MPDZ: variants seen among roughly 807,000 people sequenced by gnomAD.
MPDZ encodes multiple PDZ domain protein.
A neutral mutation model predicts 239.1 loss-of-function variants in MPDZ; 234 were observed. The observed-to-expected ratio is 0.98, with a 90% CI of 0.88 to 1.09. MPDZ has a LOEUF of 1.09. Ranked by LOEUF, MPDZ falls within the 50% of genes least tolerant of loss-of-function variation. The probability of loss-of-function intolerance (pLI) is 0.00; values close to 1 mark genes in which losing one functional copy is unlikely to be tolerated. For synonymous variants in MPDZ, 1,048 were observed against 881.3 expected (o/e 1.19, Z -3.35); for missense variants, 3,175 against 2,510.0 (o/e 1.26, Z -5.66).
At chr9:13,137,750 C>A (rs1218934881) in intron 29 of MPDZ, among the ~76,000 whole-genome samples, 1 of 152,160 alleles carries the variant, frequency 6.6e-6, no homozygotes, top group Non-Finnish European at 1.5e-5. Flanking sequence ...GCTACACAGT[C>A]ATGACCTTTT....
chr9:13,253,660 G>T (rs1968684041), intron 1 of MPDZ, among the ~76,000 whole-genome samples: 1 of 152,176 alleles, frequency 6.6e-6, no homozygotes, highest in South Asian at 2.1e-4. Context: ...ACTTAAAGAA[G>T]ATCCAACATG....
chr9:13,194,083 C>G (rs1366312625), intron 13 of MPDZ, among the ~76,000 whole-genome samples: 1 of 152,126 alleles, frequency 6.6e-6, no homozygotes, highest in African/African-American at 2.4e-5. Flanking sequence ...CTGAGAATGT[C>G]CCATCCAATA....
At chr9:13,130,408 T>C (rs1219490350) in intron 32 of MPDZ, among the ~76,000 whole-genome samples, 3 of 152,176 alleles carry the variant, frequency 2.0e-5, no homozygotes, top group Non-Finnish European at 2.9e-5. Flanking sequence ...TTTCCCCTTA[T>C]GCATGTACGG....
chr9:13,107,689 C>A (rs916398447), intron 46 of MPDZ, among the ~76,000 whole-genome samples: 1 of 152,076 alleles, frequency 6.6e-6, no homozygotes, highest in Non-Finnish European at 1.5e-5. Context: ...GTTCTTACTT[C>A]CCAAGGGTAG....
intron 10 of MPDZ, among the ~76,000 whole-genome samples, chr9:13,214,648 G>C (rs973781115): frequency 2.0e-5 from 3 of 152,004 alleles, no homozygotes; most frequent in Non-Finnish European, 2.9e-5. Flanking sequence ...GGAGAAAAAA[G>C]TAAATTAGCT....
intron 16 of MPDZ, 133 bp downstream of exon 16, chr9:13,189,981 C>T (rs1954669762): frequency 1.4e-6 from 1 of 721,070 alleles, no homozygotes; most frequent in South Asian, 2.4e-5. Flanking sequence ...TCAGTGAATC[C>T]TATAAATCAC....
intron 12 of MPDZ, among the ~76,000 whole-genome samples, chr9:13,197,245 A>G (rs1033456891): frequency 1.3e-5 from 2 of 151,918 alleles, no homozygotes; most frequent in Admixed American, 1.3e-4. Context: ...TCCAGAGGTT[A>G]ACAGATATAA....
chr9:13,176,427 A>G lies in MPDZ; in HGVS notation c.2650-10T>C. ...AATTTTCAATAACATCCTGGTAGTT[A>G]AAAAACAACAACAACAAAACATGAA... On this transcript the variant is annotated splice_polypyrimidine_tract_variant and intron_variant, in intron 19 of 46. Coordinates refer to ENST00000319217, the MANE Select transcript of MPDZ (RefSeq NM_001378778.1). The G allele has an allele frequency of 6.6e-7, 1 of 1,526,324 alleles. No individual in the cohort carries two copies. Among genetic ancestry groups the G allele is most frequent in the Non-Finnish European group, 8.8e-7 (1 of 1,135,582 alleles). 94.5% of individuals were successfully genotyped at this position (1,526,324 alleles called of 1,614,324 possible). A position where few individuals can be genotyped will look rare whatever the true frequency, so the allele number is the denominator to read the frequency against.
chr9:13,261,054 T>A (rs1054115475), intron 1 of MPDZ, among the ~76,000 whole-genome samples: 1 of 152,178 alleles, frequency 6.6e-6, no homozygotes, highest in Non-Finnish European at 1.5e-5. Flanking sequence ...AAAACATGAA[T>A]GGACTACAGT....
chr9:13,254,121 A>G (rs1968816231), intron 1 of MPDZ, among the ~76,000 whole-genome samples: 1 of 152,200 alleles, frequency 6.6e-6, no homozygotes, highest in African/African-American at 2.4e-5. Flanking sequence ...ACATAAAGTG[A>G]AACCAAAGGA....
intron 1 of MPDZ, among the ~76,000 whole-genome samples, chr9:13,269,902 A>G (rs140600789): frequency 1.6e-3 from 239 of 152,338 alleles, no homozygotes; most frequent in Non-Finnish European, 1.4e-3. Flanking sequence ...CTATCTGAAC[A>G]CGTACCTTAG....
chr9:13,210,870 C>G (rs1045156244), intron 10 of MPDZ, among the ~76,000 whole-genome samples: 2 of 152,098 alleles, frequency 1.3e-5, no homozygotes, highest in Non-Finnish European at 2.9e-5. Context: ...CAAGAAGAAA[C>G]CCTCAGAGAT....
intron 12 of MPDZ, among the ~76,000 whole-genome samples, chr9:13,197,413 C>A (rs1955787786): frequency 6.6e-6 from 1 of 152,018 alleles, no homozygotes; most frequent in Admixed American, 6.6e-5. Context: ...CAATAAGCCA[C>A]CATGCTGAGC....
chr9:13,203,132 C>T (rs1245257096), intron 12 of MPDZ, among the ~76,000 whole-genome samples: 6 of 151,892 alleles, frequency 4.0e-5, no homozygotes, highest in African/African-American at 1.5e-4. Flanking sequence ...AGACTGTACC[C>T]CAAACATATG....
intron 24 of MPDZ, among the ~76,000 whole-genome samples, chr9:13,154,808 A>C (rs1225086023): frequency 6.6e-6 from 1 of 152,180 alleles, no homozygotes; most frequent in African/African-American, 2.4e-5. Context: ...TTTATTGAGA[A>C]AGAGTACCAT....
chr9:13,126,692 C>T lies in MPDZ; in HGVS notation c.4545G>A (p.Gly1515=). ...AGGTAAACCTCACCGTGGCTGCTAC[C>T]CCATGCTCTGTTAAGCTCTTTATGA... ...GVIIKSLTEH[G]VAATDGRLKV... The change falls in exon 33 of 47, where the codon GGG becomes GGA. Residue 1515 remains glycine, a synonymous_variant. Coordinates refer to ENST00000319217, the MANE Select transcript of MPDZ (RefSeq NM_001378778.1). 1 of 1,613,758 alleles carries T rather than the reference C, an allele frequency of 6.2e-7. No homozygotes were observed. Among genetic ancestry groups the T allele is most frequent in the South Asian group, 1.1e-5 (1 of 91,064 alleles).
At chr9:13,136,253 G>A in intron 30 of MPDZ, 71 bp from the exon 31 acceptor site, 1 of 981,262 alleles carries the variant, frequency 1.0e-6, no homozygotes, top group Admixed American at 2.4e-5. Context: ...TCAAGAGTCA[G>A]AAGGTTATTA....
At chr9:13,176,942 A>G (rs1312139585) in intron 19 of MPDZ, among the ~76,000 whole-genome samples, 1 of 152,152 alleles carries the variant, frequency 6.6e-6, no homozygotes, top group African/African-American at 2.4e-5. Context: ...AAGTTTTACA[A>G]TTCAAATTAT....
intron 39 of MPDZ, among the ~76,000 whole-genome samples, chr9:13,118,350 A>C (rs1403010084): frequency 6.6e-6 from 1 of 152,194 alleles, no homozygotes; most frequent in Non-Finnish European, 1.5e-5. Context: ...ACGAATGTTA[A>C]CTTTGCTTTA....
Sources: allele counts gnomAD v4.1 joint callset (sites outside exome capture counted in the v4.1 genomes callset), GRCh38; gene constraint gnomAD v4.1.1; transcripts MANE v1.5; gene names NCBI Gene and HGNC (gene_info 2026-07-23, HGNC 2026-07-21).